Variants in ZNF324B observed in about 807,000 individuals in gnomAD.
The protein encoded by ZNF324B is zinc finger protein 324B.
Under a neutral mutation model 10.6 loss-of-function variants are expected in ZNF324B, and 7 were observed. The ratio of observed to expected loss-of-function variants is 0.66; its 90% CI spans 0.38 to 1.24. The LOEUF is 1.24. Ranked by LOEUF, ZNF324B falls within the 50% of genes most tolerant of loss-of-function variation. The pLI is 0.02. For missense variants in ZNF324B, 640 were observed against 764.7 expected (o/e 0.84, Z 1.92); for synonymous variants, 316 against 321.0 (o/e 0.98, Z 0.17).
At chr19:58,435,382 G>T in the ZNF324B span, 1 of 729,392 alleles carries the variant, frequency 1.4e-6, no homozygotes, top group Non-Finnish European at 2.2e-6. Flanking sequence ...TGGCAGGATA[G>T]GGACCAGCCA....
the ZNF324B span, among the ~76,000 whole-genome samples, chr19:58,446,569 T>TTCTCTC: frequency 8.0e-3 from 966 of 120,588 alleles, 31 homozygotes; most frequent in African/African-American, 0.033. Flanking sequence ...GATAATTTCT[T>TTCTCTC]TCTCTTTTTT....
the ZNF324B span, chr19:58,430,368 A>G: frequency 6.6e-6 from 1 of 152,372 alleles, no homozygotes; most frequent in South Asian, 2.1e-4. Flanking sequence ...AATAGTGACT[A>G]TTGTTTTAAG....
rs377644323 is a variant in ZNF324B, at chr19:58,453,273, G to A, written c.-6-423G>A. The A allele has an allele frequency of 1.2e-3, 287 of 240,042 alleles. 4 individuals carry two copies. The highest frequency in any genetic ancestry group is 5.9e-3 in the African/African-American group (257 of 43,708). The allele number at this position is 240,042 out of a possible 1,614,324, so 14.9% of individuals were successfully genotyped here. A position where few individuals can be genotyped will look rare whatever the true frequency, so the allele number is the denominator to read the frequency against. Reference sequence around the variant, plus strand: ...AGCAGCCTGGAAATGTCAGGCAAGCGCAGCAGGGGAAGGTCTCAGTGATGG... The same window carrying A: ...AGCAGCCTGGAAATGTCAGGCAAGCACAGCAGGGGAAGGTCTCAGTGATGG... On this transcript the variant is annotated intron_variant, in intron 1 of 3. Transcript: ENST00000336614.
the ZNF324B span, chr19:58,432,378 G>T: frequency 4.0e-6 from 2 of 496,358 alleles, no homozygotes; most frequent in Admixed American, 4.3e-5. Context: ...CCCTCACCCT[G>T]CACAGTCCCA....
chr19:58,449,431 C>A (rs1046824206), upstream of ZNF324B, among the ~76,000 whole-genome samples: 1 of 152,212 alleles, frequency 6.6e-6, no homozygotes, highest in Non-Finnish European at 1.5e-5. Context: ...GGGCCACCAT[C>A]CTCCAGACTC....
chr19:58,449,941 G>C (rs531855812), upstream of ZNF324B, among the ~76,000 whole-genome samples: 19 of 152,282 alleles, frequency 1.2e-4, no homozygotes, highest in African/African-American at 4.6e-4. Flanking sequence ...AGATTTGGGA[G>C]GGGCGAGGAA....
chr19:58,424,306 G>A, the ZNF324B span, among the ~76,000 whole-genome samples: 3 of 152,192 alleles, frequency 2.0e-5, no homozygotes, highest in East Asian at 3.9e-4. Flanking sequence ...GGAAAAGCAC[G>A]TGTTGGGAGA....
At chr19:58,425,844 A>T in the ZNF324B span, among the ~76,000 whole-genome samples, 1 of 152,226 alleles carries the variant, frequency 6.6e-6, no homozygotes, top group Non-Finnish European at 1.5e-5. Context: ...TTAGTAAGAA[A>T]GAGAGCTGAG....
chr19:58,427,003 T>C, the ZNF324B span, among the ~76,000 whole-genome samples: 1 of 152,214 alleles, frequency 6.6e-6, no homozygotes, highest in Admixed American at 6.5e-5. Context: ...GGCAAACATC[T>C]ATCTTCCCCT....
chr19:58,443,988 G>A, the ZNF324B span: 1 of 152,242 alleles, frequency 6.6e-6, no homozygotes, highest in Admixed American at 6.5e-5. Flanking sequence ...CCTGGCTGGT[G>A]GACAGGGTGG....
chr19:58,433,002 G>GATTCA, the ZNF324B span: 2 of 211,910 alleles, frequency 9.4e-6, no homozygotes, highest in South Asian at 1.1e-4. Context: ...AACCAGCATC[G>GATTCA]GTTCAGCTGA....
Position 58,456,843 on chromosome 19 carries a change from G to T in ZNF324B, c.*264G>T. On this transcript the variant is annotated 3_prime_UTR_variant, in exon 4 of 4. Transcript: ENST00000336614. The surrounding 1 kb of genome is among the most constrained non-coding windows in gnomAD (Gnocchi z 4.7). Reference sequence around the variant, plus strand: ...TGTCAGCTGGAACTCTGGTGGGGCTGAGGCTGTAGTTGGGGCCATAGGACG... The same window carrying T: ...TGTCAGCTGGAACTCTGGTGGGGCTTAGGCTGTAGTTGGGGCCATAGGACG... 1.8e-6 allele frequency: 1 copy of T among 568,192 alleles called. No homozygotes were observed. Among genetic ancestry groups the T allele is most frequent in the Non-Finnish European group, 3.1e-6 (1 of 319,790 alleles). The allele number at this position is 568,192 out of a possible 1,614,324, so 35.2% of individuals were successfully genotyped here.
At position 58,455,997 on chromosome 19, in the gene ZNF324B, C is replaced by T; in HGVS notation, c.1053C>T (p.Ser351=). Residue 351 remains serine, a synonymous_variant, in exon 4 of 4, where the codon AGC becomes AGT. Coordinates refer to ENST00000336614, the MANE Select transcript of ZNF324B (RefSeq NM_207395.3). This position sits in a 1 kb window ranked among gnomAD's most constrained non-coding sequence, Gnocchi z 7.0. ...GCTCCGAGTGCGGCAAGGCCTTCAG[C>T]CACGGCTCCAACCTCAGCCAGCACC... ...FRCSECGKAF[S]HGSNLSQHRK... The T allele has an allele frequency of 6.3e-7, 1 of 1,594,732 alleles. No homozygotes were observed. Among genetic ancestry groups the T allele is most frequent in the Non-Finnish European group, 8.6e-7 (1 of 1,168,600 alleles).
At chr19:58,443,730 G>A in the ZNF324B span, 2 of 152,236 alleles carry the variant, frequency 1.3e-5, no homozygotes, top group South Asian at 2.1e-4. Flanking sequence ...TTTTCTGCCA[G>A]CTGTCCCTTG....
Position 58,456,228 on chromosome 19 carries a change from C to T in ZNF324B, c.1284C>T (p.Ala428=), listed in dbSNP as rs761606764. 4 of 1,612,904 alleles carry T rather than the reference C, an allele frequency of 2.5e-6. No individual in the cohort carries two copies. The African/African-American group carries it at 4.0e-5, about 16-fold the overall frequency. The change falls in exon 4 of 4, where the codon GCC becomes GCT. Residue 428 remains alanine (A), a synonymous_variant. Coordinates refer to ENST00000336614, the MANE Select transcript of ZNF324B (RefSeq NM_207395.3). The surrounding 1 kb of genome is among the most constrained non-coding windows in gnomAD (Gnocchi z 4.7). ...VHTGEKPFAC[A]QCGRSFSRSS... ...CAGGCGAGAAGCCCTTCGCCTGCGC[C>T]CAGTGCGGCCGCTCCTTTAGCCGCA... is the stretch of plus-strand genomic sequence containing the variant.
At chr19:58,450,498 T>C (rs773431063), upstream of ZNF324B, among the ~76,000 whole-genome samples, 15 of 151,496 alleles carry the variant, frequency 9.9e-5, no homozygotes, top group Admixed American at 2.6e-4. Context: ...AAAAAATTGC[T>C]TGAAATGTTA....
the ZNF324B span, among the ~76,000 whole-genome samples, chr19:58,427,437 T>TTC: frequency 1.2e-3 from 41 of 33,646 alleles, 2 homozygotes; most frequent in African/African-American, 4.5e-3. Context: ...CTTCCTTCCT[T>TTC]CCTTCCTTTC....
At chr19:58,449,197 T>G (rs1250323331), upstream of ZNF324B, among the ~76,000 whole-genome samples, 2 of 152,222 alleles carry the variant, frequency 1.3e-5, no homozygotes, top group Admixed American at 1.3e-4. Context: ...CCATGTGGTG[T>G]TGAGCCTGTG....
At chr19:58,451,141 G>A (rs750140908), upstream of ZNF324B, among the ~76,000 whole-genome samples, 2 of 152,328 alleles carry the variant, frequency 1.3e-5, no homozygotes, top group South Asian at 2.1e-4. Flanking sequence ...CTGACACACA[G>A]AGAGATCAAA....
Sources: gnomAD v4.1 joint callset for allele counts (sites outside exome capture counted in the v4.1 genomes callset) on GRCh38, gnomAD v4.1.1 for gene constraint, Gnocchi (gnomAD v3.1) non-coding constraint, MANE v1.5 for transcripts, NCBI Gene and HGNC (gene_info 2026-07-23, HGNC 2026-07-21) for gene names.